Variants in THSD7A observed in about 807,000 individuals in gnomAD.
THSD7A encodes thrombospondin type 1 domain containing 7A.
THSD7A carries 96 observed loss-of-function variants against 231.3 expected under a neutral mutation model. The observed-to-expected ratio is 0.41, with a 90% CI of 0.35 to 0.49. The LOEUF (loss-of-function observed/expected upper bound fraction) is 0.49, where lower values mean the gene tolerates loss of function less well. THSD7A is among the 20% of genes least tolerant of loss of function. The pLI is 0.05. For synonymous variants in THSD7A, 940 were observed against 743.3 expected (o/e 1.26, Z -4.30); for missense variants, 2,290 against 2,070.2 (o/e 1.11, Z -2.06).
intron 1 of THSD7A, among the ~76,000 whole-genome samples, chr7:11,769,122 A>AAT (rs1219135740): frequency 0.035 from 1,241 of 35,782 alleles, 56 homozygotes; most frequent in Middle Eastern, 0.1. Context: ...AATTCCTGGC[A>AAT]ATATATATAT....
chr7:11,792,335 C>A (rs1363425577), intron 1 of THSD7A, among the ~76,000 whole-genome samples: 1 of 151,964 alleles, frequency 6.6e-6, no homozygotes, highest in Non-Finnish European at 1.5e-5. Flanking sequence ...ATCTAAATGT[C>A]ATTTTCCTGC....
At chr7:11,584,878 G>A (rs1278173808) in intron 4 of THSD7A, among the ~76,000 whole-genome samples, 1 of 152,166 alleles carries the variant, frequency 6.6e-6, no homozygotes, top group Non-Finnish European at 1.5e-5. Flanking sequence ...AAGGCAGTGT[G>A]AGTGCGAATA....
intron 7 of THSD7A, among the ~76,000 whole-genome samples, chr7:11,475,141 T>C (rs1354336275): frequency 1.3e-5 from 2 of 152,138 alleles, no homozygotes; most frequent in African/African-American, 4.8e-5. Flanking sequence ...GCAACAAGAA[T>C]AAGAAAGTAG....
chr7:11,456,887 T>A (rs2128297091), intron 11 of THSD7A, among the ~76,000 whole-genome samples: 1 of 152,188 alleles, frequency 6.6e-6, no homozygotes, highest in Non-Finnish European at 1.5e-5. Context: ...AACATTTCTA[T>A]CTCTAGAATC....
chr7:11,699,178 T>C (rs1780496285), intron 1 of THSD7A, among the ~76,000 whole-genome samples: 1 of 151,200 alleles, frequency 6.6e-6, no homozygotes, highest in Non-Finnish European at 1.5e-5. Flanking sequence ...TCAGCTTCAA[T>C]TTAAATACTA....
intron 2 of THSD7A, among the ~76,000 whole-genome samples, chr7:11,622,175 C>T (rs1400563022): frequency 6.6e-6 from 1 of 151,896 alleles, no homozygotes; most frequent in African/African-American, 2.4e-5. Flanking sequence ...GGTACATATA[C>T]CTAAAAATGG....
intron 1 of THSD7A, among the ~76,000 whole-genome samples, chr7:11,715,381 A>C (rs1781101617): frequency 1.3e-5 from 2 of 151,444 alleles, no homozygotes; most frequent in South Asian, 4.1e-4. Context: ...CAATTCTAAA[A>C]TATGCAGGAA....
chr7:11,388,956 C>T (rs977235225), intron 23 of THSD7A, among the ~76,000 whole-genome samples: 30 of 152,168 alleles, frequency 2.0e-4, no homozygotes, highest in African/African-American at 7.0e-4. Flanking sequence ...TTGGATTGCA[C>T]TGTGATCTCA....
chr7:11,481,881 T>C lies in THSD7A; in HGVS notation c.1924A>G (p.Thr642Ala), dbSNP rs746938293. 8.7e-6 allele frequency: 14 copies of C among 1,613,684 alleles called. No individual in the cohort carries two copies. The highest frequency in any genetic ancestry group is 4.0e-5 in the African/African-American group (3 of 74,932). The part of the protein sequence containing the change: ...PKDCVLSTWS[T>A]WSSCSHTCSG... ...CAGGTGTGTGAGCAGGAGGACCACG[T>C]AGACCATGTGCTGAGCACACAGTCT... The change falls in exon 7 of 28, where the codon ACG becomes GCG. Residue 642 changes from threonine (T) to alanine (A), a missense_variant. Coordinates refer to ENST00000423059, the MANE Select transcript of THSD7A (RefSeq NM_015204.3).
At chr7:11,610,137 T>A (rs775459081) in intron 2 of THSD7A, among the ~76,000 whole-genome samples, 1 of 152,168 alleles carries the variant, frequency 6.6e-6, no homozygotes, top group Non-Finnish European at 1.5e-5. Context: ...TTTTTAGTAG[T>A]AACTTTCCTC....
chr7:11,398,318 T>C (rs1783269623), intron 23 of THSD7A, among the ~76,000 whole-genome samples: 1 of 152,050 alleles, frequency 6.6e-6, no homozygotes, highest in South Asian at 2.1e-4. Context: ...TTCTCATTCA[T>C]AATTGGGAGT....
At chr7:11,824,243 A>C (rs976642847) in intron 1 of THSD7A, among the ~76,000 whole-genome samples, 6 of 152,060 alleles carry the variant, frequency 3.9e-5, no homozygotes, top group Non-Finnish European at 7.4e-5. Flanking sequence ...GTGCCTTTAC[A>C]TTAATTCTAA....
intron 1 of THSD7A, among the ~76,000 whole-genome samples, chr7:11,687,901 G>A (rs962245501): frequency 2.0e-5 from 3 of 151,218 alleles, no homozygotes; most frequent in Admixed American, 6.6e-5. Flanking sequence ...TTTTTAAGGC[G>A]AATTTTATTT....
At chr7:11,818,198 A>G (rs1012837585) in intron 1 of THSD7A, among the ~76,000 whole-genome samples, 7 of 152,224 alleles carry the variant, frequency 4.6e-5, no homozygotes, top group African/African-American at 9.7e-5. Flanking sequence ...TAGCGCTATA[A>G]TAGCCCAAGG....
intron 1 of THSD7A, among the ~76,000 whole-genome samples, chr7:11,679,546 A>G (rs1300816318): frequency 6.6e-6 from 1 of 152,116 alleles, no homozygotes; most frequent in African/African-American, 2.4e-5. Context: ...ACAGCCCTAT[A>G]CACTAATAAT....
intron 1 of THSD7A, among the ~76,000 whole-genome samples, chr7:11,689,008 C>G (rs530692474): frequency 6.6e-6 from 1 of 151,782 alleles, no homozygotes; most frequent in South Asian, 2.1e-4. Context: ...TTTGTTTTCT[C>G]AAATGGGAAA....
At chr7:11,542,400 G>A (rs142243260) in intron 5 of THSD7A, among the ~76,000 whole-genome samples, 4 of 152,162 alleles carry the variant, frequency 2.6e-5, no homozygotes, top group South Asian at 2.1e-4. Context: ...AGCTCACCAC[G>A]TCTACCATAA....
intron 1 of THSD7A, among the ~76,000 whole-genome samples, chr7:11,797,837 C>T (rs1784171474): frequency 6.6e-6 from 1 of 151,902 alleles, no homozygotes; most frequent in South Asian, 2.1e-4. Flanking sequence ...CCATTAATGG[C>T]CTTGGAAAAT....
chr7:11,454,158 A>T (rs1785230284), intron 11 of THSD7A, among the ~76,000 whole-genome samples: 2 of 151,990 alleles, frequency 1.3e-5, no homozygotes, highest in Admixed American at 1.3e-4. Flanking sequence ...TTTATTGACA[A>T]TTTTATAGGG....
Sources: gnomAD v4.1 joint callset for allele counts (sites outside exome capture counted in the v4.1 genomes callset) on GRCh38, gnomAD v4.1.1 for gene constraint, MANE v1.5 for transcripts, NCBI Gene and HGNC (gene_info 2026-07-23, HGNC 2026-07-21) for gene names.